Variants in CKAP5 observed in about 807,000 individuals in gnomAD.
The protein encoded by CKAP5 is cytoskeleton associated protein 5, also known as cytoskeleton-associated protein 5.
In CKAP5, 27 loss-of-function variants were observed where a neutral mutation model predicts 232.8. The observed-to-expected ratio is 0.12, with a 90% CI of 0.09 to 0.16. The LOEUF is 0.16. CKAP5 is among the 10% of genes least tolerant of loss of function. The pLI, the probability that CKAP5 is intolerant of heterozygous loss-of-function variation, is 1.00. For synonymous variants in CKAP5, 785 were observed against 841.1 expected (o/e 0.93, Z 1.16); for missense variants, 1,838 against 2,424.7 (o/e 0.76, Z 5.08).
At position 46,838,271 on chromosome 11, in the gene CKAP5, T is replaced by TA. The variant is rs564292580; in HGVS notation, c.-38+7948dup. Among the ~76,000 whole-genome samples the TA allele has an allele frequency of 2.8e-3, 421 of 152,264 alleles. 2 individuals carry two copies. The highest frequency in any genetic ancestry group is 9.6e-3 in the African/African-American group (399 of 41,542). Reference sequence around the variant, plus strand: ...AGATGTATAATTTTTCTAGCTTTCTTAAAGACTTTCTGAACTAGTCTAAAA... The same window carrying TA: ...AGATGTATAATTTTTCTAGCTTTCTTAAAAGACTTTCTGAACTAGTCTAAAA... On this transcript the variant is annotated intron_variant, in intron 1 of 43. Coordinates refer to ENST00000529230, the MANE Select transcript of CKAP5 (RefSeq NM_001008938.4).
chr11:46,838,439 C>T (rs544253723), intron 1 of CKAP5, among the ~76,000 whole-genome samples: 1 of 151,478 alleles, frequency 6.6e-6, no homozygotes, highest in Non-Finnish European at 1.5e-5. Context: ...GAGTTCAAGA[C>T]CAGCTTAGGC....
At chr11:46,799,418 A>G (rs1240846048) in intron 9 of CKAP5, among the ~76,000 whole-genome samples, 3 of 152,220 alleles carry the variant, frequency 2.0e-5, no homozygotes, top group Non-Finnish European at 2.9e-5. Context: ...AAGACTTTTT[A>G]ATACTAGTTA....
intron 38 of CKAP5, among the ~76,000 whole-genome samples, chr11:46,752,144 A>G: frequency 7.1e-6 from 1 of 141,012 alleles, no homozygotes. Flanking sequence ...TAGGAAGGGA[A>G]AAACTGAAGA....
At chr11:46,799,544 G>C (rs952861247) in intron 9 of CKAP5, among the ~76,000 whole-genome samples, 2 of 152,192 alleles carry the variant, frequency 1.3e-5, no homozygotes, top group African/African-American at 4.8e-5. Flanking sequence ...TAACATGCTT[G>C]ATACTAAACA....
chr11:46,769,964 T>G lies in CKAP5; in HGVS notation c.3321A>C (p.Ser1107=). 9 of 1,614,126 alleles carry G rather than the reference T, an allele frequency of 5.6e-6. No individual in the cohort carries two copies. The highest frequency in any genetic ancestry group is 1.3e-5 in the African/African-American group (1 of 75,048). Residue 1107 remains serine (S), a splice_region_variant and synonymous_variant, in exon 26 of 44, where the codon TCA becomes TCC. Transcript: ENST00000529230. ...TTAACCTTCTTAAGATAGAGTTACCTGATGCAGGCTGGAATTTGGCTGGAG... is the reference window on the plus strand; with the variant it reads ...TTAACCTTCTTAAGATAGAGTTACCGGATGCAGGCTGGAATTTGGCTGGAG... ...GSAPAKFQPA[S]APAEDCISSS...
chr11:46,824,262 C>T (rs1428092383), intron 1 of CKAP5, among the ~76,000 whole-genome samples: 1 of 152,016 alleles, frequency 6.6e-6, no homozygotes, highest in African/African-American at 2.4e-5. Context: ...CTTCAAAATC[C>T]CTAGGATTGC....
In CKAP5 at chr11:46,770,403, T is replaced by C. The variant is rs564710379; in HGVS notation, c.3187-305A>G. 218 of 364,652 alleles carry C rather than the reference T, an allele frequency of 6.0e-4. 1 individual carries two copies. The highest frequency in any genetic ancestry group is 2.5e-3 in the Middle Eastern group (3 of 1,212). 22.6% of individuals were successfully genotyped at this position (364,652 alleles called of 1,614,324 possible). A position where few individuals can be genotyped will look rare whatever the true frequency, so the allele number is the denominator to read the frequency against. ...AAATTGAGACTCACAGGAGGTAATA[T>C]GGTTTTTTCCTCATATAAATTCATG... On this transcript the variant is annotated intron_variant, in intron 25 of 43. Transcript: ENST00000529230.
At chr11:46,809,359 T>G in intron 7 of CKAP5, 41 bp downstream of exon 7, 1 of 1,308,726 alleles carries the variant, frequency 7.6e-7, no homozygotes, top group Non-Finnish European at 1.1e-6. Context: ...CAAGTAATTA[T>G]TTTACAAGAA....
At chr11:46,809,694 C>A (rs1015094732) in intron 6 of CKAP5, 48 bp downstream of exon 6, 8 of 1,606,816 alleles carry the variant, frequency 5.0e-6, no homozygotes, top group Non-Finnish European at 6.8e-6. Flanking sequence ...CATGGCAGTG[C>A]CAGTTCTTGC....
rs769556064 is a variant in CKAP5 at position 46,790,069 on chromosome 11, G to C, written c.1875+7C>G. 1 of 1,575,564 alleles carries C rather than the reference G, an allele frequency of 6.3e-7. No individual in the cohort carries two copies. Among genetic ancestry groups the C allele is most frequent in the Non-Finnish European group, 8.7e-7 (1 of 1,148,178 alleles). ...TCTTTCACACTCAATTCTTCCCTAT[G>C]CACTACCTTCTGGAACTCTTCCATA... On this transcript the variant is annotated splice_region_variant and intron_variant, in intron 15 of 43. Coordinates refer to ENST00000529230, the MANE Select transcript of CKAP5 (RefSeq NM_001008938.4).
At chr11:46,822,486 G>A (rs905291299) in intron 1 of CKAP5, among the ~76,000 whole-genome samples, 2 of 152,046 alleles carry the variant, frequency 1.3e-5, no homozygotes, top group African/African-American at 2.4e-5. Flanking sequence ...GGGTGTGGTG[G>A]CTGACGCCCG....
intron 26 of CKAP5, among the ~76,000 whole-genome samples, chr11:46,768,662 G>A (rs1420654830): frequency 6.9e-6 from 1 of 145,838 alleles, no homozygotes; most frequent in East Asian, 2.1e-4. Flanking sequence ...GCTCATTGAA[G>A]CCTCAACCTC....
At chr11:46,830,441 A>T (rs1939761863) in intron 1 of CKAP5, among the ~76,000 whole-genome samples, 1 of 2,024 alleles carries the variant, frequency 4.9e-4, no homozygotes, top group South Asian at 0.062. Flanking sequence ...ACTCCGTCTC[A>T]AAAAAAAAAA....
chr11:46,800,704 C>A (rs970661532), intron 9 of CKAP5, among the ~76,000 whole-genome samples: 6 of 152,102 alleles, frequency 3.9e-5, no homozygotes, highest in Non-Finnish European at 8.8e-5. Context: ...AAATATATAA[C>A]ATTGTAACCT....
At position 46,753,460 on chromosome 11, in the gene CKAP5, G is replaced by C. The variant is rs1475960173; in HGVS notation, c.4907C>G (p.Thr1636Ser). 6 of 1,613,378 alleles carry C rather than the reference G, an allele frequency of 3.7e-6. No individual in the cohort carries two copies. The highest frequency in any genetic ancestry group is 1.3e-5 in the African/African-American group (1 of 74,958). Residue 1636 changes from threonine to serine, a missense_variant, in exon 37 of 44, where the codon ACT becomes AGT. This residue lies in a region of CKAP5 where 579 missense variants were observed against 843.2 expected (regional missense o/e 0.69). Transcript: ENST00000529230. ...QIESLAREAS[T>S]GVLKDLMHGL... Reference sequence around the variant, plus strand: ...ATGCATTAGGTCTTTTAGTACTCCAGTGGAGGCCTCCCGGGCAAGGCTCTC... The same window carrying C: ...ATGCATTAGGTCTTTTAGTACTCCACTGGAGGCCTCCCGGGCAAGGCTCTC...
chr11:46,838,260 T>C (rs1270325086), intron 1 of CKAP5, among the ~76,000 whole-genome samples: 1 of 152,194 alleles, frequency 6.6e-6, no homozygotes, highest in Non-Finnish European at 1.5e-5. Context: ...GTATAATTTT[T>C]CTAGCTTTCT....
At chr11:46,790,400 A>G in intron 14 of CKAP5, 70 bp downstream of exon 14, 2 of 1,143,086 alleles carry the variant, frequency 1.7e-6, no homozygotes, top group Non-Finnish European at 2.6e-6. Context: ...CCCAGCAAAG[A>G]ACTCCAGTCT....
At chr11:46,752,806 C>A in intron 37 of CKAP5, 96 bp from the exon 38 acceptor site, 2 of 847,484 alleles carry the variant, frequency 2.4e-6, no homozygotes, top group South Asian at 1.5e-5. Context: ...CTCTATTCAT[C>A]TAATAAACTG....
intron 42 of CKAP5, among the ~76,000 whole-genome samples, chr11:46,749,457 GAAAAAAA>G (rs951405505): frequency 3.9e-5 from 3 of 76,488 alleles, no homozygotes; most frequent in Non-Finnish European, 5.6e-5. Context: ...TCCGTCTCAA[GAAAAAAA>G]AAAAAAAAAA....
Sources: allele counts gnomAD v4.1 joint callset (sites outside exome capture counted in the v4.1 genomes callset), GRCh38; gene constraint gnomAD v4.1.1; regional missense constraint gnomAD v4.1.1; transcripts MANE v1.5; gene names NCBI Gene and HGNC (gene_info 2026-07-23, HGNC 2026-07-21).